The following KLHL14 variants were observed in gnomAD, a reference collection of about 807,000 sequenced individuals.
KLHL14 encodes the protein kelch-like protein 14.
In KLHL14, 22 loss-of-function variants were observed where a neutral mutation model predicts 64.3. The ratio of observed to expected loss-of-function variants is 0.34; its 90% confidence interval spans 0.24 to 0.49. The LOEUF is 0.49. KLHL14 is among the 20% of genes least tolerant of loss of function. The pLI is 0.99. For synonymous variants in KLHL14, 322 were observed against 333.4 expected (o/e 0.97, Z 0.37); for missense variants, 661 against 789.0 (o/e 0.84, Z 1.94).
chr18:32,747,530 C>A (rs1271302569), intron 2 of KLHL14, among the ~76,000 whole-genome samples: 1 of 152,064 alleles, frequency 6.6e-6, no homozygotes, highest in African/African-American at 2.4e-5. Flanking sequence ...GGTTTGCGCT[C>A]ATATGAGAAT....
rs926935552 is a variant in KLHL14 at position 32,683,760 on chromosome 18, T to C, written c.1239-3161A>G. Among the ~76,000 whole-genome samples, 1 of 152,210 alleles carries C rather than the reference T, an allele frequency of 6.6e-6. No homozygotes were observed. The highest frequency in any genetic ancestry group is 1.5e-5 in the Non-Finnish European group (1 of 68,034). On this transcript the variant is annotated intron_variant, in intron 5 of 8. Coordinates refer to ENST00000359358, the MANE Select transcript of KLHL14 (RefSeq NM_020805.3). The surrounding 1 kb of genome is among the most constrained non-coding windows in gnomAD (Gnocchi z 4.2). The stretch of plus-strand genomic sequence containing the variant: ...TTTGCAGATCTTTACAAGTTCTTTC[T>C]GGCCCTTGGAGTTGTCAGTTTATAT...
intron 2 of KLHL14, among the ~76,000 whole-genome samples, chr18:32,746,360 A>G (rs2050223665): frequency 6.6e-6 from 1 of 152,282 alleles, no homozygotes; most frequent in East Asian, 1.9e-4. Context: ...AACATTTACC[A>G]TGTGTCACAT....
At chr18:32,751,852 C>T (rs1026837331) in intron 2 of KLHL14, among the ~76,000 whole-genome samples, 2 of 152,152 alleles carry the variant, frequency 1.3e-5, no homozygotes, top group African/African-American at 2.4e-5. Flanking sequence ...TAGAGTCCAA[C>T]GTAGTGTCTC....
intron 2 of KLHL14, among the ~76,000 whole-genome samples, chr18:32,749,440 C>T (rs567013987): frequency 9.2e-5 from 14 of 152,300 alleles, no homozygotes; most frequent in African/African-American, 3.4e-4. Context: ...ATGGTATCCT[C>T]TTACAAGAAT....
chr18:32,695,563 GA>G lies in KLHL14; in HGVS notation c.1070-12del, dbSNP rs371920534. On this transcript the variant is annotated splice_polypyrimidine_tract_variant and intron_variant, in intron 3 of 8. Coordinates refer to ENST00000359358, the MANE Select transcript of KLHL14 (RefSeq NM_020805.3). ...TGTTGTATGGCATAACTGAAATTAA[GA>G]AAAAAAAAAAAGACATATGAAATTT... is the stretch of plus-strand genomic sequence containing the variant. 57,045 of 1,079,154 alleles carry G rather than the reference GA, an allele frequency of 0.053. 2 individuals carry two copies. The highest frequency in any genetic ancestry group is 0.072 in the South Asian group (3,929 of 54,494). 66.8% of individuals were successfully genotyped at this position (1,079,154 alleles called of 1,614,324 possible). A position where few individuals can be genotyped will look rare whatever the true frequency, so the allele number is the denominator to read the frequency against.
At chr18:32,753,816 G>A (rs2050268719) in intron 2 of KLHL14, among the ~76,000 whole-genome samples, 1 of 152,176 alleles carries the variant, frequency 6.6e-6, no homozygotes, top group Non-Finnish European at 1.5e-5. Context: ...TGGTAACTAG[G>A]AGCAGTTGAA....
intron 3 of KLHL14, among the ~76,000 whole-genome samples, chr18:32,697,233 A>T (rs1032871477): frequency 5.3e-5 from 8 of 152,204 alleles, no homozygotes; most frequent in Non-Finnish European, 1.0e-4. Context: ...TGAGCAACAG[A>T]GGTAGAATAT....
chr18:32,682,791 C>T (rs1203168841), intron 5 of KLHL14, among the ~76,000 whole-genome samples: 1 of 152,172 alleles, frequency 6.6e-6, no homozygotes, highest in Non-Finnish European at 1.5e-5. Flanking sequence ...AAAAGACTGA[C>T]ACATATCTAC....
At chr18:32,706,124 G>C (rs1288104621) in intron 3 of KLHL14, among the ~76,000 whole-genome samples, 2 of 152,230 alleles carry the variant, frequency 1.3e-5, no homozygotes, top group African/African-American at 2.4e-5. Flanking sequence ...CAAAGATTCA[G>C]AAGAATCTGT....
At chr18:32,772,377 G>A (rs1301419413) in intron 1 of KLHL14, 3 of 200,914 alleles carry the variant, frequency 1.5e-5, no homozygotes, top group African/African-American at 2.4e-5. Context: ...ATCTTACAGA[G>A]TCTCTCTCCC....
At chr18:32,740,999 A>T (rs2050193865) in intron 3 of KLHL14, 1 of 152,218 alleles carries the variant, frequency 6.6e-6, no homozygotes, top group Non-Finnish European at 1.5e-5. Context: ...TTTGAAAAAT[A>T]AACATGGTAA....
intron 2 of KLHL14, among the ~76,000 whole-genome samples, chr18:32,761,168 T>C (rs533244031): frequency 6.6e-6 from 1 of 152,354 alleles, no homozygotes; most frequent in South Asian, 2.1e-4. Flanking sequence ...CCCATTTTAC[T>C]GCTGCAGGAC....
chr18:32,677,283 C>A lies in KLHL14; in HGVS notation c.1636G>T (p.Gly546Cys). 6.2e-7 allele frequency: 1 copy of A among 1,613,530 alleles called. No homozygotes were observed. The highest frequency in any genetic ancestry group is 2.2e-5 in the East Asian group (1 of 44,856). The change falls in exon 8 of 9, where the codon GGT (glycine) becomes TGT (cysteine). Residue 546 changes from glycine (G) to cysteine (C), a missense_variant. Gly to Cys is a radical substitution (Grantham distance 159). Transcript: ENST00000359358. ...VMLVECYDPK[G>C]DQWNILQTPI... ...GTTTGGAGTATATTCCACTGGTCAC[C>A]TTTTGGGTCATAGCATTCCACAAGC...
rs201140290 is a variant in KLHL14, at chr18:32,677,248, C to T, written c.1671G>A (p.Leu557=). ...DQWNILQTPI[L]EGRSGPGCAV... Reference sequence around the variant, plus strand: ...CACAGCCAGGGCCACTTCGACCCTCCAAAATGGGAGTTTGGAGTATATTCC... The same window carrying T: ...CACAGCCAGGGCCACTTCGACCCTCTAAAATGGGAGTTTGGAGTATATTCC... Residue 557 remains leucine, a synonymous_variant, in exon 8 of 9, where the codon TTG becomes TTA. Coordinates refer to ENST00000359358, the MANE Select transcript of KLHL14 (RefSeq NM_020805.3). The T allele has an allele frequency of 5.0e-6, 8 of 1,613,696 alleles. No individual in the cohort carries two copies. In the South Asian group the frequency reaches 7.7e-5, roughly 16 times the overall value.
rs759310496 is a variant in KLHL14 at position 32,770,320 on chromosome 18, TGCTGCTGCGGCG to T, written c.260_271del (p.Pro87_Gln90del). The T allele has an allele frequency of 1.9e-6, 3 of 1,586,280 alleles. No individual in the cohort carries two copies. Among genetic ancestry groups the T allele is most frequent in the Non-Finnish European group, 2.6e-6 (3 of 1,166,590 alleles). ...CGGCGGCTGCTGCTGCTGTGACGGCTGCTGCTGCGGCGGCTGCTGCTGGTCCTTGGGGGCCCC... is the reference window on the plus strand; with the variant it reads ...CGGCGGCTGCTGCTGCTGTGACGGCTGCTGCTGCTGGTCCTTGGGGGCCCC... On this transcript the variant is annotated inframe_deletion, in exon 2 of 9. Transcript: ENST00000359358. This position sits in a 1 kb window ranked among gnomAD's most constrained non-coding sequence, Gnocchi z 6.7.
chr18:32,751,019 G>A (rs542515806), intron 2 of KLHL14, among the ~76,000 whole-genome samples: 1 of 151,930 alleles, frequency 6.6e-6, no homozygotes, highest in South Asian at 2.1e-4. Flanking sequence ...AATTTCATTT[G>A]GGGGATAAAA....
intron 3 of KLHL14, chr18:32,734,149 C>A: frequency 1.4e-6 from 1 of 702,816 alleles, no homozygotes; most frequent in South Asian, 1.5e-5. Context: ...TTATGATAGT[C>A]ACATTGTGTT....
chr18:32,758,302 G>C (rs1309785200), intron 2 of KLHL14, among the ~76,000 whole-genome samples: 4 of 152,098 alleles, frequency 2.6e-5, no homozygotes, highest in Non-Finnish European at 4.4e-5. Context: ...TTTCAAAATA[G>C]ATATGCAAGT....
chr18:32,706,171 A>C (rs2049989270), intron 3 of KLHL14, among the ~76,000 whole-genome samples: 1 of 152,198 alleles, frequency 6.6e-6, no homozygotes, highest in Non-Finnish European at 1.5e-5. Flanking sequence ...TGGTGTGTGC[A>C]TGTGTATGCG....
Sources: allele counts gnomAD v4.1 joint callset (sites outside exome capture counted in the v4.1 genomes callset), GRCh38; gene constraint gnomAD v4.1.1; non-coding constraint Gnocchi (gnomAD v3.1); transcripts MANE v1.5; gene names NCBI Gene and HGNC (gene_info 2026-07-23, HGNC 2026-07-21).